Variants in CBLB observed in about 807,000 individuals in gnomAD.
CBLB encodes the protein E3 ubiquitin-protein ligase CBL-B.
CBLB carries 31 observed loss-of-function variants against 104.9 expected under a neutral mutation model. The ratio of observed to expected loss-of-function variants is 0.30; its 90% CI spans 0.22 to 0.40. The LOEUF (loss-of-function observed/expected upper bound fraction) is 0.40. Ranked by LOEUF, CBLB falls within the 10% of genes least tolerant of loss-of-function variation. The pLI, the probability that CBLB is intolerant of heterozygous loss-of-function variation, is 1.00. For missense variants in CBLB, 1,062 were observed against 1,214.6 expected, an observed-to-expected ratio of 0.87 and a Z score of 1.87; for synonymous variants, 440 against 422.6, an observed-to-expected ratio of 1.04 and a Z score of -0.51.
chr3:105,829,633 C>A (rs1202894949), intron 3 of CBLB, among the ~76,000 whole-genome samples: 1 of 128,064 alleles, frequency 7.8e-6, no homozygotes, highest in Non-Finnish European at 1.6e-5. Flanking sequence ...CATGCCACCA[C>A]ACCATAGCCA....
At chr3:105,690,477 C>T (rs1546733) in intron 13 of CBLB, among the ~76,000 whole-genome samples, 80,964 of 151,922 alleles carry the variant, frequency 0.53, 22,116 homozygotes, top group Middle Eastern at 0.67. Context: ...TTAAGTTAAA[C>T]TGATCCTCTC....
At chr3:105,834,281 T>C (rs1000248354) in intron 3 of CBLB, among the ~76,000 whole-genome samples, 1 of 152,196 alleles carries the variant, frequency 6.6e-6, no homozygotes, top group Non-Finnish European at 1.5e-5. Context: ...CTATGTTAAT[T>C]AGCTTGATTT....
chr3:105,670,225 C>T lies in CBLB; in HGVS notation c.2689+8G>A. On this transcript the variant is annotated splice_region_variant and intron_variant, in intron 18 of 18. Coordinates refer to ENST00000394030, the MANE Select transcript of CBLB (RefSeq NM_170662.5). ...AGGTATTATTGTTACTGTTACTAGC[C>T]AACTCACCTGAACATGAAGGAAGCT... 6.2e-7 allele frequency: 1 copy of T among 1,612,474 alleles called. No individual in the cohort carries two copies. The highest frequency in any genetic ancestry group is 8.5e-7 in the Non-Finnish European group (1 of 1,178,824).
At chr3:105,666,801 G>A (rs2064519417) in intron 18 of CBLB, among the ~76,000 whole-genome samples, 1 of 152,130 alleles carries the variant, frequency 6.6e-6, no homozygotes, top group South Asian at 2.1e-4. Flanking sequence ...TTTAATCTTA[G>A]ATTTGTAAGG....
chr3:105,724,609 T>A (rs916269754), intron 9 of CBLB, among the ~76,000 whole-genome samples: 1 of 152,072 alleles, frequency 6.6e-6, no homozygotes, highest in South Asian at 2.1e-4. Context: ...ATAAATATAA[T>A]AAGAAAACTA....
chr3:105,819,584 T>G (rs1229392298), intron 3 of CBLB, among the ~76,000 whole-genome samples: 2 of 152,188 alleles, frequency 1.3e-5, no homozygotes, highest in Non-Finnish European at 2.9e-5. Context: ...AAGTAGTATT[T>G]TGTTGTTTTG....
chr3:105,797,904 A>G (rs1010332925), intron 3 of CBLB, among the ~76,000 whole-genome samples: 1 of 152,178 alleles, frequency 6.6e-6, no homozygotes, highest in African/African-American at 2.4e-5. Flanking sequence ...CTTTTGATTA[A>G]CCTGCTCAAG....
chr3:105,687,073 A>G (rs2067098622), intron 13 of CBLB, among the ~76,000 whole-genome samples: 1 of 152,132 alleles, frequency 6.6e-6, no homozygotes, highest in Non-Finnish European at 1.5e-5. Flanking sequence ...AATTTAGCTA[A>G]GTCAAGGACC....
chr3:105,819,256 G>C (rs951813791), intron 3 of CBLB, among the ~76,000 whole-genome samples: 5 of 152,180 alleles, frequency 3.3e-5, no homozygotes, highest in South Asian at 2.1e-4. Context: ...GGAGGCCAAG[G>C]GGGGTGGATC....
At chr3:105,847,620 T>TTC (rs397698636) in intron 3 of CBLB, among the ~76,000 whole-genome samples, 30 of 151,144 alleles carry the variant, frequency 2.0e-4, no homozygotes, top group Admixed American at 3.3e-4. Flanking sequence ...TGACTTTTTT[T>TTC]CCAGTGGTTG....
intron 6 of CBLB, 47 bp downstream of exon 6, chr3:105,745,870 T>C (rs759345342): frequency 1.3e-6 from 2 of 1,571,748 alleles, no homozygotes; most frequent in East Asian, 2.2e-5. Context: ...ATGGAGAATT[T>C]TTCATCTTTG....
At chr3:105,825,362 G>A (rs1214945499) in intron 3 of CBLB, among the ~76,000 whole-genome samples, 1 of 152,178 alleles carries the variant, frequency 6.6e-6, no homozygotes, top group Non-Finnish European at 1.5e-5. Context: ...TGAGAAAAAG[G>A]AGGACCTGGG....
intron 5 of CBLB, 98 bp downstream of exon 5, chr3:105,751,360 ATGTG>A: frequency 1.3e-6 from 1 of 799,512 alleles, no homozygotes; most frequent in Non-Finnish European, 2.2e-6. Flanking sequence ...ATGTTTGTTT[ATGTG>A]TGTGTGTGTG....
chr3:105,690,851 A>C (rs576441897), intron 13 of CBLB, among the ~76,000 whole-genome samples: 3 of 151,812 alleles, frequency 2.0e-5, no homozygotes, highest in Middle Eastern at 3.4e-3. Flanking sequence ...ACAAATACTT[A>C]ATGGCGGAGT....
chr3:105,664,738 G>C (rs1001577169), intron 18 of CBLB, among the ~76,000 whole-genome samples: 5 of 152,132 alleles, frequency 3.3e-5, no homozygotes, highest in African/African-American at 1.2e-4. Context: ...GAAAAATATA[G>C]GAAGTACATA....
chr3:105,702,054 A>G (rs759556442), intron 12 of CBLB, 40 bp downstream of exon 12: 3 of 1,611,270 alleles, frequency 1.9e-6, no homozygotes, highest in East Asian at 4.5e-5. Flanking sequence ...AGAAGCATTT[A>G]TAAGCAGATT....
chr3:105,702,311 A>C lies in CBLB; in HGVS notation c.1742T>G (p.Val581Gly). The change falls in exon 12 of 19, where the codon GTG (valine) becomes GGG (glycine). Residue 581 changes from valine (V) to glycine (G), a missense_variant. Coordinates refer to ENST00000394030, the MANE Select transcript of CBLB (RefSeq NM_170662.5). Reference sequence around the variant, plus strand: ...AGGCATTGGCGGGTCTCTGGAAGGCACGCTTTCCACATGATGGATGTGTCT... The same window carrying C: ...AGGCATTGGCGGGTCTCTGGAAGGCCCGCTTTCCACATGATGGATGTGTCT... ...LSRHIHHVESVPSRDPPMPLE... is the reference protein window; with the variant it reads ...LSRHIHHVESGPSRDPPMPLE... The C allele has an allele frequency of 6.2e-7, 1 of 1,613,790 alleles. No individual in the cohort carries two copies. Among genetic ancestry groups the C allele is most frequent in the Admixed American group, 1.7e-5 (1 of 59,978 alleles).
intron 11 of CBLB, among the ~76,000 whole-genome samples, chr3:105,702,682 T>C (rs556060978): frequency 1.2e-4 from 18 of 152,080 alleles, no homozygotes; most frequent in Non-Finnish European, 2.5e-4. Context: ...TAGGAAAAAG[T>C]AGAAATGAGT....
intron 3 of CBLB, among the ~76,000 whole-genome samples, chr3:105,832,708 G>C (rs937406026): frequency 2.6e-5 from 4 of 152,172 alleles, no homozygotes; most frequent in African/African-American, 9.7e-5. Context: ...AACAATGCCT[G>C]CCAAGTTTTA....
Sources: gnomAD v4.1 joint callset for allele counts (sites outside exome capture counted in the v4.1 genomes callset) on GRCh38, gnomAD v4.1.1 for gene constraint, MANE v1.5 for transcripts, NCBI Gene and HGNC (gene_info 2026-07-23, HGNC 2026-07-21) for gene names.